MTMR2: variants seen among roughly 807,000 people sequenced by gnomAD.
The protein encoded by MTMR2 is myotubularin related protein 2.
In MTMR2, 55 loss-of-function variants were observed where a neutral mutation model predicts 86.9. The observed-to-expected ratio is 0.63, with a 90% CI of 0.51 to 0.79. The LOEUF (loss-of-function observed/expected upper bound fraction) is 0.79, where lower values mean the gene tolerates loss of function less well. Among genes scored for constraint, MTMR2 ranks in the 30% least tolerant of loss-of-function variants. The pLI is 0.00. For synonymous variants in MTMR2, 241 were observed against 266.8 expected (o/e 0.90, Z 0.94); for missense variants, 659 against 772.3 (o/e 0.85, Z 1.74).
At chr11:95,888,128 C>A in intron 2 of MTMR2, 28 bp downstream of exon 2, 1 of 1,483,436 alleles carries the variant, frequency 6.7e-7, no homozygotes, top group South Asian at 1.1e-5. Flanking sequence ...GAAAGTACTT[C>A]ATCAGAACTT....
intron 2 of MTMR2, among the ~76,000 whole-genome samples, chr11:95,869,662 T>G (rs1864776253): frequency 6.6e-6 from 1 of 152,122 alleles, no homozygotes; most frequent in Non-Finnish European, 1.5e-5. Context: ...GCTGCAATAT[T>G]CCAAAGAGTC....
chr11:95,842,695 AGT>A (rs1365198372), intron 11 of MTMR2, among the ~76,000 whole-genome samples: 1 of 152,214 alleles, frequency 6.6e-6, no homozygotes, highest in Non-Finnish European at 1.5e-5. Context: ...TACCTTTTTC[AGT>A]GTGTTGGCAT....
chr11:95,913,236 T>C lies in MTMR2; in HGVS notation c.80+10639A>G, dbSNP rs568056622. 1.9e-4 allele frequency among the ~76,000 whole-genome samples: 29 copies of C among 152,238 alleles called. 1 individual carries two copies. Among genetic ancestry groups the C allele is most frequent in the African/African-American group, 6.5e-4 (27 of 41,570 alleles). ...AGACAGGAAATACAGTGAAGTTATA[T>C]GGCCCTGCAAAAAAATCATGATGCT... is the stretch of plus-strand genomic sequence containing the variant. On this transcript the variant is annotated intron_variant, in intron 1 of 14. Coordinates refer to ENST00000346299, the MANE Select transcript of MTMR2 (RefSeq NM_016156.6).
At chr11:95,858,696 T>A in intron 5 of MTMR2, 64 bp from the exon 6 acceptor site, 1 of 1,080,728 alleles carries the variant, frequency 9.3e-7, no homozygotes, top group Admixed American at 1.7e-5. Flanking sequence ...ATAAATAAGG[T>A]TACTTGGAAC....
intron 14 of MTMR2, among the ~76,000 whole-genome samples, chr11:95,835,742 G>C (rs996315982): frequency 1.3e-5 from 2 of 152,052 alleles, no homozygotes; most frequent in Non-Finnish European, 2.9e-5. Flanking sequence ...ACAGTAGTCA[G>C]AAGATTCCCT....
At chr11:95,838,377 T>C (rs1405397896) in intron 12 of MTMR2, among the ~76,000 whole-genome samples, 170 bp from the exon 13 acceptor site, 1 of 152,064 alleles carries the variant, frequency 6.6e-6, no homozygotes, top group Non-Finnish European at 1.5e-5. Context: ...TCAAAAATCA[T>C]GTTATCACTT....
intron 12 of MTMR2, 23 bp from the exon 13 acceptor site, chr11:95,838,230 A>G (rs1388948953): frequency 8.0e-7 from 1 of 1,244,616 alleles, no homozygotes; most frequent in East Asian, 2.3e-5. Context: ...CATCACAAAC[A>G]CATAAATTAA....
chr11:95,848,022 A>G (rs2043029559), intron 9 of MTMR2, 123 bp from the exon 10 acceptor site: 1 of 959,226 alleles, frequency 1.0e-6, no homozygotes, highest in Admixed American at 2.0e-5. Context: ...ACTCCACAGG[A>G]AAATGTGGAT....
At chr11:95,890,255 CT>C (rs889749997) in intron 1 of MTMR2, among the ~76,000 whole-genome samples, 13 of 151,872 alleles carry the variant, frequency 8.6e-5, no homozygotes, top group South Asian at 2.1e-4. Flanking sequence ...TGATGTTTTC[CT>C]TTTTTTTGTA....
intron 1 of MTMR2, among the ~76,000 whole-genome samples, chr11:95,892,487 A>C (rs971775450): frequency 4.6e-5 from 7 of 152,154 alleles, no homozygotes; most frequent in Non-Finnish European, 1.0e-4. Context: ...TACAAACTCC[A>C]AATAATAAGA....
At chr11:95,852,679 T>C (rs1438905061) in intron 7 of MTMR2, among the ~76,000 whole-genome samples, 1 of 152,224 alleles carries the variant, frequency 6.6e-6, no homozygotes, top group African/African-American at 2.4e-5. Context: ...TCATTAACTT[T>C]ATACAGATTT....
chr11:95,923,625 A>G (rs528269216), intron 1 of MTMR2: 2 of 1,357,650 alleles, frequency 1.5e-6, no homozygotes, highest in South Asian at 3.3e-5. Flanking sequence ...GACCACCTCC[A>G]TCGGGGAGAA....
chr11:95,908,660 A>T lies in MTMR2; in HGVS notation c.80+15215T>A, dbSNP rs188299053. 2.5e-3 allele frequency among the ~76,000 whole-genome samples: 380 copies of T among 152,272 alleles called. 1 individual carries two copies. The highest frequency in any genetic ancestry group is 0.024 in the Middle Eastern group (7 of 294). On this transcript the variant is annotated intron_variant, in intron 1 of 14. Coordinates refer to ENST00000346299, the MANE Select transcript of MTMR2 (RefSeq NM_016156.6). Reference sequence around the variant, plus strand: ...AAACAACAGACACACAGACCAATGGAACAGAATAGAGAGCCCAGAAATAAT... The same window carrying T: ...AAACAACAGACACACAGACCAATGGTACAGAATAGAGAGCCCAGAAATAAT...
intron 2 of MTMR2, among the ~76,000 whole-genome samples, chr11:95,881,324 T>G (rs1865313805): frequency 6.6e-6 from 1 of 152,112 alleles, no homozygotes; most frequent in Non-Finnish European, 1.5e-5. Context: ...TTATTTTTCC[T>G]CTGGGTTAAT....
At chr11:95,842,195 CAG>C (rs1182370393) in intron 11 of MTMR2, among the ~76,000 whole-genome samples, 1 of 152,128 alleles carries the variant, frequency 6.6e-6, no homozygotes, top group East Asian at 1.9e-4. Flanking sequence ...GCAAACTGCT[CAG>C]ATATTTTCTG....
At chr11:95,869,343 C>G (rs1447094822) in intron 2 of MTMR2, among the ~76,000 whole-genome samples, 27 of 152,034 alleles carry the variant, frequency 1.8e-4, no homozygotes, top group Non-Finnish European at 2.9e-4. Flanking sequence ...GGTCGAGGAG[C>G]ATCTGTACTT....
rs372237396 is a variant in MTMR2 at position 95,888,272 on chromosome 11, C to T, written c.81-11G>A. 10 of 1,578,036 alleles carry T rather than the reference C, an allele frequency of 6.3e-6. No individual in the cohort carries two copies. The highest frequency in any genetic ancestry group is 8.7e-6 in the Non-Finnish European group (10 of 1,150,824). On this transcript the variant is annotated splice_polypyrimidine_tract_variant and intron_variant, in intron 1 of 14. Coordinates refer to ENST00000346299, the MANE Select transcript of MTMR2 (RefSeq NM_016156.6). The stretch of plus-strand genomic sequence containing the variant: ...TGAGAAGTGGAGGCACTACAAAATA[C>T]AAAAGTACAGTATGTTGGAAAAATG...
At chr11:95,905,324 CACCT>C (rs2135591136) in intron 1 of MTMR2, among the ~76,000 whole-genome samples, 1 of 106,284 alleles carries the variant, frequency 9.4e-6, no homozygotes, top group African/African-American at 3.9e-5. Flanking sequence ...CACACGCACG[CACCT>C]GCGCACACAC....
At chr11:95,884,339 T>C (rs545998540) in intron 2 of MTMR2, among the ~76,000 whole-genome samples, 1 of 152,336 alleles carries the variant, frequency 6.6e-6, no homozygotes, top group East Asian at 1.9e-4. Flanking sequence ...TGAAACCCAC[T>C]ATTTTCATCC....
Sources: allele counts gnomAD v4.1 joint callset (sites outside exome capture counted in the v4.1 genomes callset), GRCh38; gene constraint gnomAD v4.1.1; transcripts MANE v1.5; gene names NCBI Gene and HGNC (gene_info 2026-07-23, HGNC 2026-07-21).